Variants in OPTN observed in about 807,000 individuals in gnomAD.
OPTN encodes the protein optineurin, also known as E3-14.7K-interacting protein.
In OPTN, 54 loss-of-function variants were observed where a neutral mutation model predicts 70.4. That is an observed-to-expected ratio of 0.77 (90% confidence interval 0.62 to 0.96). The LOEUF is 0.96. OPTN is among the 40% of genes least tolerant of loss of function. The probability of loss-of-function intolerance (pLI) is 0.00; values close to 1 mark genes in which losing one functional copy is unlikely to be tolerated. For missense variants in OPTN, 624 were observed against 673.2 expected, an observed-to-expected ratio of 0.93 and a Z score of 0.81; for synonymous variants, 256 against 248.5, an observed-to-expected ratio of 1.03 and a Z score of -0.28.
At chr10:13,104,471 A>C in intron 1 of OPTN, 1 of 238,196 alleles carries the variant, frequency 4.2e-6, no homozygotes, top group Non-Finnish European at 8.2e-6. Context: ...ATTTAACAAA[A>C]AGTCTAATAT....
At chr10:13,116,609 A>G (rs1188990247) in intron 6 of OPTN, 3 of 512,862 alleles carry the variant, frequency 5.8e-6, no homozygotes, top group Non-Finnish European at 1.1e-5. Context: ...GTGAAAGCAA[A>G]CTGGTTCTCA....
chr10:13,109,341 G>A (rs1832942948), intron 3 of OPTN, 53 bp downstream of exon 3: 3 of 1,592,416 alleles, frequency 1.9e-6, no homozygotes. Context: ...TGCAAGAAAT[G>A]CCATCCCTTT....
chr10:13,104,003 C>T (rs1232713058), intron 1 of OPTN, among the ~76,000 whole-genome samples: 1 of 152,120 alleles, frequency 6.6e-6, no homozygotes. Flanking sequence ...GAATAAATGG[C>T]TTAGTTCCAA....
intron 5 of OPTN, among the ~76,000 whole-genome samples, chr10:13,114,923 ATCT>A (rs1833114344): frequency 1.3e-5 from 1 of 76,978 alleles, no homozygotes; most frequent in Non-Finnish European, 2.3e-5. Context: ...TAATAGATAT[ATCT>A]ATATTTATAT....
chr10:13,130,720 A>G (rs1029040772), intron 12 of OPTN, among the ~76,000 whole-genome samples: 77 of 152,242 alleles, frequency 5.1e-4, no homozygotes, highest in African/African-American at 1.8e-3. Context: ...TTTTAAAATA[A>G]TGGATAATAA....
chr10:13,110,564 A>T, intron 4 of OPTN, 88 bp downstream of exon 4: 1 of 1,296,694 alleles, frequency 7.7e-7, no homozygotes, highest in Non-Finnish European at 1.1e-6. Flanking sequence ...TCCTAGATCA[A>T]AACCTTTCAT....
At position 13,113,355 on chromosome 10, in the gene OPTN, A is replaced by G. The variant is rs1037037555; in HGVS notation, c.552+720A>G. ...GAACCTTCTTTTCAAACAAAGTGGT[A>G]TGAGGAACCCTGATACATTAAAAAG... On this transcript the variant is annotated intron_variant, in intron 5 of 14. Transcript: ENST00000378747. 1.3e-5 allele frequency among the ~76,000 whole-genome samples: 2 copies of G among 152,156 alleles called. 1 individual carries two copies. Among genetic ancestry groups the G allele is most frequent in the Admixed American group, 1.3e-4 (2 of 15,276 alleles).
At chr10:13,111,654 C>T (rs114909448) in intron 4 of OPTN, among the ~76,000 whole-genome samples, 2,211 of 151,636 alleles carry the variant, frequency 0.015, 46 homozygotes, top group African/African-American at 0.048. Context: ...GCTGAGATCG[C>T]GCCATTGCAC....
At position 13,129,269 on chromosome 10, in the gene OPTN, G is replaced by A. The variant is rs111236882; in HGVS notation, c.1401+1366G>A. ...CATAACTTGTGTCCATATATGCATG[G>A]GTCTGTTTCTGGATTTTGTTCTATT... On this transcript the variant is annotated intron_variant, in intron 12 of 14. Transcript: ENST00000378747. 6.1e-3 allele frequency among the ~76,000 whole-genome samples: 920 copies of A among 151,894 alleles called. 8 individuals carry two copies. The highest frequency in any genetic ancestry group is 0.021 in the African/African-American group (860 of 41,414).
At chr10:13,108,906 G>GCA in intron 2 of OPTN, 1 of 569,470 alleles carries the variant, frequency 1.8e-6, no homozygotes, top group East Asian at 3.1e-5. Flanking sequence ...GCACACATGC[G>GCA]CGTGCACACA....
chr10:13,108,903 T>TGCAC (rs1554768219), intron 2 of OPTN: 3 of 477,440 alleles, frequency 6.3e-6, no homozygotes, highest in East Asian at 3.9e-5. Context: ...CATGCACACA[T>TGCAC]GCGCGTGCAC....
intron 7 of OPTN, among the ~76,000 whole-genome samples, chr10:13,121,484 T>G (rs1390717094): frequency 7.1e-6 from 1 of 141,394 alleles, no homozygotes; most frequent in African/African-American, 2.7e-5. Context: ...TTTCTTTTTC[T>G]TGCCTGATTA....
At chr10:13,117,484 C>T (rs1833245735) in intron 6 of OPTN, among the ~76,000 whole-genome samples, 2 of 130,948 alleles carry the variant, frequency 1.5e-5, no homozygotes, top group Non-Finnish European at 3.2e-5. Flanking sequence ...TTCACTCTGC[C>T]ACTGAGGCTG....
intron 8 of OPTN, chr10:13,122,767 C>T: frequency 2.7e-6 from 1 of 367,694 alleles, no homozygotes. Context: ...ACCTCCGCCT[C>T]CCAGGTTCAA....
intron 12 of OPTN, among the ~76,000 whole-genome samples, chr10:13,128,371 C>T (rs1325022976): frequency 6.6e-6 from 1 of 152,068 alleles, no homozygotes; most frequent in Non-Finnish European, 1.5e-5. Context: ...TTTCCTTTAA[C>T]CACTCTGGAG....
chr10:13,122,358 A>G (rs772756049), intron 7 of OPTN, 27 bp from the exon 8 acceptor site: 3 of 1,504,064 alleles, frequency 2.0e-6, no homozygotes, highest in Non-Finnish European at 2.8e-6. Flanking sequence ...AGAGAAAGTA[A>G]CTTTTCTATC....
intron 7 of OPTN, among the ~76,000 whole-genome samples, chr10:13,120,487 T>G (rs797011146): frequency 3.0e-4 from 45 of 152,070 alleles, no homozygotes; most frequent in African/African-American, 1.1e-3. Flanking sequence ...TCCTAAGAAT[T>G]TTGTAGTTTT....
chr10:13,108,016 A>C (rs928095026), intron 1 of OPTN, 122 bp from the exon 2 acceptor site: 1 of 152,230 alleles, frequency 6.6e-6, no homozygotes, highest in African/African-American at 2.4e-5. Context: ...AAACAAAATG[A>C]TATGTGTAAA....
chr10:13,125,336 T>G, intron 9 of OPTN, 82 bp from the exon 10 acceptor site: 4 of 1,468,232 alleles, frequency 2.7e-6, no homozygotes, highest in Non-Finnish European at 3.8e-6. Flanking sequence ...TCTTATATTG[T>G]ACATAACCTT....
Sources: gnomAD v4.1 joint callset for allele counts (sites outside exome capture counted in the v4.1 genomes callset) on GRCh38, gnomAD v4.1.1 for gene constraint, MANE v1.5 for transcripts, NCBI Gene and HGNC (gene_info 2026-07-23, HGNC 2026-07-21) for gene names.